KIF21B: variants seen among roughly 807,000 people sequenced by gnomAD.
KIF21B encodes the protein kinesin family member 21B.
A neutral mutation model predicts 192.9 loss-of-function variants in KIF21B; 85 were observed. That is an observed-to-expected ratio of 0.44 (90% CI 0.37 to 0.53). The LOEUF is 0.53. Ranked by LOEUF, KIF21B falls within the 20% of genes least tolerant of loss-of-function variation. KIF21B has a pLI of 0.00. For missense variants in KIF21B, 1,716 were observed against 2,194.8 expected, an observed-to-expected ratio of 0.78 and a Z score of 4.36; for synonymous variants, 832 against 884.6, an observed-to-expected ratio of 0.94 and a Z score of 1.05.
Position 200,999,808 on chromosome 1 carries a change from G to A in KIF21B, c.1767+75C>T, listed in dbSNP as rs145368552. On this transcript the variant is annotated intron_variant, in intron 12 of 34. Coordinates refer to ENST00000461742, the MANE Select transcript of KIF21B (RefSeq NM_001252102.2). This position sits in a 1 kb window ranked among gnomAD's most constrained non-coding sequence, Gnocchi z 4.7. The stretch of plus-strand genomic sequence containing the variant: ...CCTCCTTCACTCCATACAAGGATGC[G>A]GATGGGGCCCCCGCCAACCCCAGCA... 2.8e-5 allele frequency: 43 copies of A among 1,515,348 alleles called. 1 individual carries two copies. In the Admixed American group the frequency reaches 5.2e-4, roughly 18 times the overall value. The allele number at this position is 1,515,348 out of a possible 1,614,324, so 93.9% of individuals were successfully genotyped here.
intron 3 of KIF21B, 34 bp from the exon 4 acceptor site, chr1:201,005,728 C>A: frequency 6.2e-7 from 1 of 1,604,802 alleles, no homozygotes. Flanking sequence ...ATTCATAGGG[C>A]ATTCACTGGG....
rs1448288093 is a variant in KIF21B, at chr1:200,990,336, G to T, written c.2836-4C>A. 6.2e-7 allele frequency: 1 copy of T among 1,601,198 alleles called. No individual in the cohort carries two copies. The highest frequency in any genetic ancestry group is 2.3e-5 in the East Asian group (1 of 44,418). ...GGAGGAACAGCTCCTCCCTTTTCTGGGGTCAGAGGGGAGGGTGGTGATTGT... is the reference window on the plus strand; with the variant it reads ...GGAGGAACAGCTCCTCCCTTTTCTGTGGTCAGAGGGGAGGGTGGTGATTGT... On this transcript the variant is annotated splice_polypyrimidine_tract_variant and splice_region_variant and intron_variant, in intron 19 of 34. Transcript: ENST00000461742. The surrounding 1 kb of genome is among the most constrained non-coding windows in gnomAD (Gnocchi z 5.4).
Position 201,008,835 on chromosome 1 carries a change from G to A in KIF21B, c.381C>T (p.Arg127=), listed in dbSNP as rs1475227226. 6 of 1,608,644 alleles carry A rather than the reference G, an allele frequency of 3.7e-6. No homozygotes were observed. Among genetic ancestry groups the A allele is most frequent in the Admixed American group, 3.3e-5 (2 of 59,990 alleles). ...IAHLFGGIAE[R]KRRAQEQGVA... The stretch of plus-strand genomic sequence containing the variant: ...CGCCCTGCTCCTGTGCCCGGCGCTT[G>A]CGCTCGGCAATGCCCCCAAAGAGGT... Residue 127 remains arginine, a synonymous_variant, in exon 3 of 35, where the codon CGC becomes CGT. Transcript: ENST00000461742.
chr1:201,000,077 G>T lies in KIF21B; in HGVS notation c.1686-113C>A. 1 of 950,232 alleles carries T rather than the reference G, an allele frequency of 1.1e-6. No individual in the cohort carries two copies. The highest frequency in any genetic ancestry group is 1.7e-6 in the Non-Finnish European group (1 of 601,636). The allele number at this position is 950,232 out of a possible 1,614,324, so 58.9% of individuals were successfully genotyped here. A position where few individuals can be genotyped will look rare whatever the true frequency, so the allele number is the denominator to read the frequency against. On this transcript the variant is annotated intron_variant, in intron 11 of 34. Coordinates refer to ENST00000461742, the MANE Select transcript of KIF21B (RefSeq NM_001252102.2). The surrounding 1 kb of genome is among the most constrained non-coding windows in gnomAD (Gnocchi z 6.0). The stretch of plus-strand genomic sequence containing the variant: ...AGGCTCTCACCAGAGGCCGGGGAGA[G>T]CACTGGCTCCTACTCTGCAGAGAAC...
chr1:200,978,006 T>C (rs1243230387), intron 30 of KIF21B, among the ~76,000 whole-genome samples: 1 of 151,930 alleles, frequency 6.6e-6, no homozygotes, highest in Non-Finnish European at 1.5e-5. Context: ...AGTGCTGGGA[T>C]TACAGGCGTG....
Position 201,023,470 on chromosome 1 carries a change from C to G in KIF21B, c.-87G>C. 1 of 1,014,080 alleles carries G rather than the reference C, an allele frequency of 9.9e-7. No individual in the cohort carries two copies. Among genetic ancestry groups the G allele is most frequent in the East Asian group, 3.4e-5 (1 of 29,286 alleles). The allele number at this position is 1,014,080 out of a possible 1,614,324, so 62.8% of individuals were successfully genotyped here. Reference sequence around the variant, plus strand: ...AGGCAGCGGCTGCGGCTGCGGGAGGCGGGGGCGCGGGCGCGGCTGGCGGAG... The same window carrying G: ...AGGCAGCGGCTGCGGCTGCGGGAGGGGGGGGCGCGGGCGCGGCTGGCGGAG... On this transcript the variant is annotated 5_prime_UTR_variant, in exon 1 of 35. Coordinates refer to ENST00000461742, the MANE Select transcript of KIF21B (RefSeq NM_001252102.2). This position sits in a 1 kb window ranked among gnomAD's most constrained non-coding sequence, Gnocchi z 5.9.
intron 1 of KIF21B, among the ~76,000 whole-genome samples, chr1:201,013,698 G>A (rs575158864): frequency 3.9e-5 from 6 of 152,294 alleles, no homozygotes; most frequent in African/African-American, 1.4e-4. Flanking sequence ...TAGAGGCTGT[G>A]GACCAGAGCC....
chr1:201,019,214 T>C (rs2102483968), intron 1 of KIF21B, among the ~76,000 whole-genome samples: 1 of 152,346 alleles, frequency 6.6e-6, no homozygotes, highest in Middle Eastern at 3.4e-3. Context: ...ATCACAGTCA[T>C]GAGCCACTGC....
chr1:201,015,418 C>G (rs1658446433), intron 1 of KIF21B, among the ~76,000 whole-genome samples: 3 of 152,254 alleles, frequency 2.0e-5, no homozygotes, highest in African/African-American at 4.8e-5. Flanking sequence ...AGCATATCTG[C>G]TCTTTTCTGC....
rs796983941 is a variant in KIF21B at position 200,974,303 on chromosome 1, C to T, written c.4814+411G>A. The T allele has an allele frequency of 3.1e-6, 4 of 1,304,352 alleles. No individual in the cohort carries two copies. The African/African-American group carries it at 5.9e-5, about 19-fold the overall frequency. The allele number at this position is 1,304,352 out of a possible 1,614,324, so 80.8% of individuals were successfully genotyped here. A position where few individuals can be genotyped will look rare whatever the true frequency, so the allele number is the denominator to read the frequency against. ...AAGAAAGAAAGCCATCTGAGTCGCA[C>T]CCCATGGGACAGAGGGCCTGGCTGC... is the stretch of plus-strand genomic sequence containing the variant. On this transcript the variant is annotated intron_variant, in intron 34 of 34. Transcript: ENST00000461742.
At chr1:200,977,765 G>A (rs1396965653) in intron 30 of KIF21B, among the ~76,000 whole-genome samples, 6 of 144,234 alleles carry the variant, frequency 4.2e-5, no homozygotes, top group Non-Finnish European at 7.5e-5. Context: ...ATGGAGTTTC[G>A]CTCTTGTTGC....
At chr1:201,021,631 T>C (rs11804082) in intron 1 of KIF21B, among the ~76,000 whole-genome samples, 21,110 of 152,080 alleles carry the variant, frequency 0.14, 1,574 homozygotes, top group African/African-American at 0.19. Context: ...CCCATGAGGC[T>C]CCCCGGGTGG....
In KIF21B at chr1:200,969,522, T is replaced by A. The variant is rs996023481; in HGVS notation, c.*3999A>T. On this transcript the variant is annotated 3_prime_UTR_variant, in exon 35 of 35. Coordinates refer to ENST00000461742, the MANE Select transcript of KIF21B (RefSeq NM_001252102.2). ...GCCATCGGCAGAGGTACAAAACATA[T>A]ATACACCTTGTGCTAGTCACATCAT... 6.5e-6 allele frequency: 1 copy of A among 152,804 alleles called. No individual in the cohort carries two copies. Among genetic ancestry groups the A allele is most frequent in the African/African-American group, 2.4e-5 (1 of 41,462 alleles). 9.5% of individuals were successfully genotyped at this position (152,804 alleles called of 1,614,324 possible).
Position 200,999,453 on chromosome 1 carries a change from C to G in KIF21B, c.1781G>C (p.Arg594Pro), listed in dbSNP as rs373134245. 15 of 1,613,804 alleles carry G rather than the reference C, an allele frequency of 9.3e-6. No individual in the cohort carries two copies. The East Asian group carries it at 3.3e-4, about 36-fold the overall frequency. The change falls in exon 13 of 35, where the codon CGA (arginine) becomes CCA (proline). Residue 594 changes from arginine (R) to proline (P), a missense_variant. Arg to Pro is a moderately radical substitution (Grantham distance 103). Coordinates refer to ENST00000461742, the MANE Select transcript of KIF21B (RefSeq NM_001252102.2). The surrounding 1 kb of genome is among the most constrained non-coding windows in gnomAD (Gnocchi z 4.7). ...CTCCTCCTCACAGCCACTCTCGTCTCGCTCTTCCTCCTCCTGGGCACCAGG... is the reference window on the plus strand; with the variant it reads ...CTCCTCCTCACAGCCACTCTCGTCTGGCTCTTCCTCCTCCTGGGCACCAGG... ...ENEAEEEEEE[R>P]DESGCEEEEG...
chr1:200,981,180 G>A (rs1342181341), intron 28 of KIF21B, 84 bp from the exon 29 acceptor site: 4 of 1,432,914 alleles, frequency 2.8e-6, no homozygotes, highest in Non-Finnish European at 3.7e-6. Flanking sequence ...TGTGGGATGG[G>A]GACAGGGCAG....
rs368638538 is a variant in KIF21B, at chr1:200,986,977, T to G, written c.3614+19A>C. On this transcript the variant is annotated intron_variant, in intron 25 of 34. Coordinates refer to ENST00000461742, the MANE Select transcript of KIF21B (RefSeq NM_001252102.2). The stretch of plus-strand genomic sequence containing the variant: ...AACTCCACCTCCACTCCAACCCACA[T>G]TCCTGCTCCCATCCTTACAAAGTGC... The G allele has an allele frequency of 4.0e-5, 64 of 1,613,592 alleles. No homozygotes were observed. In the East Asian group the frequency reaches 5.1e-4, roughly 13 times the overall value.
At position 200,975,404 on chromosome 1, in the gene KIF21B, C is replaced by T; in HGVS notation, c.4614+95G>A. 3 of 1,151,522 alleles carry T rather than the reference C, an allele frequency of 2.6e-6. No individual in the cohort carries two copies. Among genetic ancestry groups the T allele is most frequent in the Non-Finnish European group, 2.5e-6 (2 of 799,304 alleles). 71.3% of individuals were successfully genotyped at this position (1,151,522 alleles called of 1,614,324 possible). A position where few individuals can be genotyped will look rare whatever the true frequency, so the allele number is the denominator to read the frequency against. On this transcript the variant is annotated intron_variant, in intron 33 of 34. Coordinates refer to ENST00000461742, the MANE Select transcript of KIF21B (RefSeq NM_001252102.2). This position sits in a 1 kb window ranked among gnomAD's most constrained non-coding sequence, Gnocchi z 4.3. ...GCTGTGAAAACCATCTGGCCTGGGG[C>T]CCGCGAGTCCAGGTCCCAGGGTCTC...
rs769150142 is a variant in KIF21B, at chr1:200,999,965, C to G, written c.1686-1G>C. ...CTTTTTGAAGGCTTCCTTCTCGGGG[C>G]TGCTCAGGGAGGACAGGGAAGCTGG... is the stretch of plus-strand genomic sequence containing the variant. On this transcript the variant is annotated splice_acceptor_variant, in intron 11 of 34. Coordinates refer to ENST00000461742, the MANE Select transcript of KIF21B (RefSeq NM_001252102.2). LOFTEE classifies it high-confidence loss of function. This position sits in a 1 kb window ranked among gnomAD's most constrained non-coding sequence, Gnocchi z 4.7. 1 of 1,613,776 alleles carries G rather than the reference C, an allele frequency of 6.2e-7. No individual in the cohort carries two copies. The highest frequency in any genetic ancestry group is 8.5e-7 in the Non-Finnish European group (1 of 1,179,994).
chr1:200,990,536 A>C lies in KIF21B; in HGVS notation c.2835+40T>G, dbSNP rs1656616760. On this transcript the variant is annotated intron_variant, in intron 19 of 34. Coordinates refer to ENST00000461742, the MANE Select transcript of KIF21B (RefSeq NM_001252102.2). This position sits in a 1 kb window ranked among gnomAD's most constrained non-coding sequence, Gnocchi z 5.4. ...AAGTTGGAGGTGTCAGAGGACAGGCAGAGGGGTGGAATGGAAGAGAAGGGG... is the reference window on the plus strand; with the variant it reads ...AAGTTGGAGGTGTCAGAGGACAGGCCGAGGGGTGGAATGGAAGAGAAGGGG... 1 of 1,604,868 alleles carries C rather than the reference A, an allele frequency of 6.2e-7. No homozygotes were observed. Among genetic ancestry groups the C allele is most frequent in the South Asian group, 1.1e-5 (1 of 90,102 alleles).
Sources: gnomAD v4.1 joint callset for allele counts (sites outside exome capture counted in the v4.1 genomes callset) on GRCh38, gnomAD v4.1.1 for gene constraint, Gnocchi (gnomAD v3.1) non-coding constraint, MANE v1.5 for transcripts, NCBI Gene and HGNC (gene_info 2026-07-23, HGNC 2026-07-21) for gene names.